The following CDH20 variants were observed in gnomAD, a reference collection of about 807,000 sequenced individuals.
The protein encoded by CDH20 is cadherin 20, also known as cadherin-20.
A neutral mutation model predicts 74.2 loss-of-function variants in CDH20; 29 were observed. The observed-to-expected ratio is 0.39, with a 90% CI of 0.29 to 0.53. The LOEUF is 0.53. CDH20 is among the 20% of genes least tolerant of loss of function. The pLI is 0.69. For missense variants in CDH20, 988 were observed against 1,048.3 expected (o/e 0.94, Z 0.79); for synonymous variants, 469 against 405.4 (o/e 1.16, Z -1.88).
chr18:61,536,353 C>A, intron 7 of CDH20, 140 bp from the exon 8 acceptor site: 3 of 612,140 alleles, frequency 4.9e-6, no homozygotes, highest in South Asian at 3.1e-5. Flanking sequence ...CAAATAAAAC[C>A]ACGAATGCAG....
At chr18:61,402,383 C>T (rs1912183673) in intron 1 of CDH20, among the ~76,000 whole-genome samples, 1 of 152,082 alleles carries the variant, frequency 6.6e-6, no homozygotes, top group Non-Finnish European at 1.5e-5. Context: ...ATTTCCCCTG[C>T]CAGCACAAAG....
intron 1 of CDH20, among the ~76,000 whole-genome samples, chr18:61,450,017 T>C (rs142826499): frequency 5.0e-4 from 76 of 152,188 alleles, no homozygotes; most frequent in Non-Finnish European, 6.8e-4. Context: ...ATCAATATTT[T>C]AGTAAACGCA....
intron 1 of CDH20, among the ~76,000 whole-genome samples, chr18:61,379,339 C>T (rs746814580): frequency 1.9e-4 from 29 of 152,162 alleles, no homozygotes; most frequent in Non-Finnish European, 3.2e-4. Flanking sequence ...TCTTAGGGCT[C>T]TTTGAGAAAC....
chr18:61,490,452 A>G lies in CDH20; in HGVS notation c.-102A>G, dbSNP rs1226237328. 8.6e-7 allele frequency: 1 copy of G among 1,160,622 alleles called. No individual in the cohort carries two copies. Among genetic ancestry groups the G allele is most frequent in the African/African-American group, 1.5e-5 (1 of 65,316 alleles). The allele number at this position is 1,160,622 out of a possible 1,614,324, so 71.9% of individuals were successfully genotyped here. A position where few individuals can be genotyped will look rare whatever the true frequency, so the allele number is the denominator to read the frequency against. On this transcript the variant is annotated 5_prime_UTR_variant, in exon 2 of 12. Transcript: ENST00000262717. ...TGAAACGGGATCTCATTTAGGAAGC[A>G]TAAGTGTCCAATCAAAAACTGTGTA...
chr18:61,503,225 T>G, intron 5 of CDH20, 105 bp downstream of exon 5: 1 of 781,450 alleles, frequency 1.3e-6, no homozygotes, highest in Non-Finnish European at 2.0e-6. Context: ...TAAATTCAAT[T>G]ATCCATAGAT....
rs79992423 is a variant in CDH20 at position 61,490,700 on chromosome 18, C to G, written c.147C>G (p.Asp49Glu). The G allele has an allele frequency of 6.2e-7, 1 of 1,610,846 alleles. No homozygotes were observed. Among genetic ancestry groups the G allele is most frequent in the African/African-American group, 1.3e-5 (1 of 74,860 alleles). Residue 49 changes from aspartate (D) to glutamate (E), a missense_variant, in exon 2 of 12, where the codon GAC (aspartate) becomes GAG (glutamate). Physicochemically the swap from Asp to Glu is conservative, Grantham distance 45. Coordinates refer to ENST00000262717, the MANE Select transcript of CDH20 (RefSeq NM_031891.4). ...PQGELEALLSDKPQSHQRTKR... is the reference protein window; with the variant it reads ...PQGELEALLSEKPQSHQRTKR... The stretch of plus-strand genomic sequence containing the variant: ...GTGAATTAGAAGCACTCCTGTCAGA[C>G]AAGCCACAGTCACATCAGCGGACCA...
rs146153639 is a variant in CDH20, at chr18:61,535,131, C to T, written c.1272-1362C>T. On this transcript the variant is annotated intron_variant, in intron 7 of 11. Transcript: ENST00000262717. ...AGGAGTTTGAGACCCGACTGGCCAA[C>T]GTGGCAAAACCTTGTCTCTACTAAA... is the stretch of plus-strand genomic sequence containing the variant. Among the ~76,000 whole-genome samples, 59 of 152,014 alleles carry T rather than the reference C, an allele frequency of 3.9e-4. No homozygotes were observed. The East Asian group carries it at 8.1e-3, about 21-fold the overall frequency.
At chr18:61,334,699 C>T (rs1010110480) in intron 1 of CDH20, among the ~76,000 whole-genome samples, 2 of 152,064 alleles carry the variant, frequency 1.3e-5, no homozygotes, top group African/African-American at 2.4e-5. Context: ...TGGAAGGCAG[C>T]CCGGAGGCAG....
intron 1 of CDH20, among the ~76,000 whole-genome samples, chr18:61,418,327 G>A (rs1912760178): frequency 6.6e-6 from 1 of 152,042 alleles, no homozygotes; most frequent in African/African-American, 2.4e-5. Flanking sequence ...GGCTGAGGTG[G>A]GTGGATCACA....
At chr18:61,430,383 G>T (rs1033819273) in intron 1 of CDH20, among the ~76,000 whole-genome samples, 3 of 152,044 alleles carry the variant, frequency 2.0e-5, no homozygotes, top group Admixed American at 6.6e-5. Context: ...ATCATATCAG[G>T]ATACATGTTG....
In CDH20 at chr18:61,498,930, G is replaced by A. The variant is rs144207241; in HGVS notation, c.247-256G>A. Among the ~76,000 whole-genome samples the A allele has an allele frequency of 4.8e-4, 73 of 152,152 alleles. No individual in the cohort carries two copies. In the East Asian group the frequency reaches 0.013, roughly 26 times the overall value. On this transcript the variant is annotated intron_variant, in intron 2 of 11. Coordinates refer to ENST00000262717, the MANE Select transcript of CDH20 (RefSeq NM_031891.4). ...GTTCCTGTTTTCCATACTTATCAGG[G>A]AGAAGAATTTTGTTTAAATAATGGT...
chr18:61,507,700 ACAC>A, intron 6 of CDH20, 140 bp downstream of exon 6: 3 of 546,114 alleles, frequency 5.5e-6, no homozygotes, highest in Non-Finnish European at 9.0e-6. Context: ...AAAAAAAAAA[ACAC>A]ACAGAAAACC....
At chr18:61,464,578 T>C (rs1300150428) in intron 1 of CDH20, among the ~76,000 whole-genome samples, 1 of 152,156 alleles carries the variant, frequency 6.6e-6, no homozygotes, top group Non-Finnish European at 1.5e-5. Flanking sequence ...CTGGTCAACT[T>C]AGAGTATGGG....
chr18:61,540,583 A>C (rs1446869452), intron 9 of CDH20, among the ~76,000 whole-genome samples: 1 of 152,154 alleles, frequency 6.6e-6, no homozygotes, highest in East Asian at 1.9e-4. Flanking sequence ...TACCATGAAA[A>C]CAGTATGGGG....
intron 6 of CDH20, among the ~76,000 whole-genome samples, chr18:61,508,597 T>C (rs1246459148): frequency 2.0e-5 from 3 of 152,192 alleles, no homozygotes; most frequent in Non-Finnish European, 4.4e-5. Context: ...AACAGCATTT[T>C]CAGTGACCTG....
chr18:61,465,598 GA>G (rs34570273), intron 1 of CDH20, among the ~76,000 whole-genome samples: 73,784 of 145,852 alleles, frequency 0.51, 18,462 homozygotes, highest in Middle Eastern at 0.65. Flanking sequence ...ATTACATGGG[GA>G]AAAAAAAAAA....
chr18:61,398,430 TAGG>T (rs935347315), intron 1 of CDH20, among the ~76,000 whole-genome samples: 1 of 152,190 alleles, frequency 6.6e-6, no homozygotes, highest in African/African-American at 2.4e-5. Context: ...TGGTTATGAT[TAGG>T]AGATCATAAT....
intron 1 of CDH20, among the ~76,000 whole-genome samples, chr18:61,403,893 A>G (rs1254168141): frequency 6.6e-6 from 1 of 152,240 alleles, no homozygotes; most frequent in Non-Finnish European, 1.5e-5. Context: ...ATGGAATACT[A>G]TGCAGCCATA....
chr18:61,485,359 C>T (rs188145431), intron 1 of CDH20, among the ~76,000 whole-genome samples: 1 of 152,088 alleles, frequency 6.6e-6, no homozygotes, highest in Non-Finnish European at 1.5e-5. Flanking sequence ...TGTGGTGAAG[C>T]AGGTGAGAGT....
Sources: gnomAD v4.1 joint callset for allele counts (sites outside exome capture counted in the v4.1 genomes callset) on GRCh38, gnomAD v4.1.1 for gene constraint, MANE v1.5 for transcripts, NCBI Gene and HGNC (gene_info 2026-07-23, HGNC 2026-07-21) for gene names.